MYLK3: variants seen among roughly 807,000 people sequenced by gnomAD.
MYLK3 encodes the protein myosin light chain kinase 3.
Under a neutral mutation model 76.3 loss-of-function variants are expected in MYLK3, and 55 were observed. The ratio of observed to expected loss-of-function variants is 0.72; its 90% CI spans 0.58 to 0.90. The LOEUF (loss-of-function observed/expected upper bound fraction) is 0.90, where lower values mean the gene tolerates loss of function less well. Ranked by LOEUF, MYLK3 falls within the 40% of genes least tolerant of loss-of-function variation. The pLI, the probability that MYLK3 is intolerant of heterozygous loss-of-function variation, is 0.00. For synonymous variants in MYLK3, 416 were observed against 425.4 expected (o/e 0.98, Z 0.27); for missense variants, 973 against 1,053.6 (o/e 0.92, Z 1.06).
At chr16:46,749,137 A>G (rs1967082878), upstream of MYLK3, among the ~76,000 whole-genome samples, 1 of 152,228 alleles carries the variant, frequency 6.6e-6, no homozygotes, top group African/African-American at 2.4e-5. Context: ...TGGTTCAAAT[A>G]AAACGTTTTA....
intron 1 of MYLK3, among the ~76,000 whole-genome samples, chr16:46,762,461 C>T (rs1020118969): frequency 1.3e-5 from 2 of 152,234 alleles, no homozygotes; most frequent in South Asian, 2.1e-4. Context: ...ACCAAGAACA[C>T]GGAGCAATAG....
In MYLK3 at chr16:46,740,115, T is replaced by C. The variant is rs1465484369; in HGVS notation, c.510A>G (p.Lys170=). The part of the protein sequence containing the change: ...NKERVEEEGG[K]PKHVLSTSGV... The stretch of plus-strand genomic sequence containing the variant: ...CACTGGTGCTCAGCACATGCTTTGG[T>C]TTTCCTCCCTCTTCTTCCACTCGCT... Residue 170 remains lysine, a synonymous_variant, in exon 2 of 13, where the codon AAA becomes AAG. Transcript: ENST00000394809. 4 of 1,613,752 alleles carry C rather than the reference T, an allele frequency of 2.5e-6. No homozygotes were observed. The highest frequency in any genetic ancestry group is 1.1e-5 in the South Asian group (1 of 91,024).
In MYLK3 at chr16:46,703,663, C is replaced by T. The variant is rs1172512503; in HGVS notation, c.*4041G>A. 1 of 153,100 alleles carries T rather than the reference C, an allele frequency of 6.5e-6. No homozygotes were observed. Among genetic ancestry groups the T allele is most frequent in the Non-Finnish European group, 1.5e-5 (1 of 68,024 alleles). 9.5% of individuals were successfully genotyped at this position (153,100 alleles called of 1,614,324 possible). A position where few individuals can be genotyped will look rare whatever the true frequency, so the allele number is the denominator to read the frequency against. ...GAAAAACTCAAGCTTCATAAAACCT[C>T]AAATTTCAAAAAAAGGATGCTAAAA... On this transcript the variant is annotated 3_prime_UTR_variant, in exon 13 of 13. Transcript: ENST00000394809.
intron 9 of MYLK3, 39 bp from the exon 10 acceptor site, chr16:46,712,815 G>A (rs1360230503): frequency 1.3e-6 from 2 of 1,511,376 alleles, no homozygotes; most frequent in East Asian, 2.5e-5. Context: ...CATGGGGTGA[G>A]GCCTGGGAGA....
chr16:46,748,432 A>T (rs901489101), upstream of MYLK3: 4 of 641,980 alleles, frequency 6.2e-6, no homozygotes, highest in Non-Finnish European at 9.8e-6. The surrounding 1 kb of genome is among the most constrained non-coding windows in gnomAD (Gnocchi z 4.3). Flanking sequence ...GGCCGAGGTC[A>T]GCCCAGGCCC....
chr16:46,752,077 A>G (rs891274122), upstream of MYLK3, among the ~76,000 whole-genome samples: 26 of 152,230 alleles, frequency 1.7e-4, no homozygotes, highest in African/African-American at 6.0e-4. Context: ...GGGTAAGGAC[A>G]GGGCAGCGGA....
rs1966598711 is a variant in MYLK3, at chr16:46,703,732, C to T, written c.*3972G>A. The stretch of plus-strand genomic sequence containing the variant: ...GTTGGCCTGGCCTAAACAGACCCCT[C>T]AAAGGAACTTTGGAGGGAAATTGTT... On this transcript the variant is annotated 3_prime_UTR_variant, in exon 13 of 13. Coordinates refer to ENST00000394809, the MANE Select transcript of MYLK3 (RefSeq NM_182493.3). 6.5e-6 allele frequency: 1 copy of T among 153,698 alleles called. No homozygotes were observed. The highest frequency in any genetic ancestry group is 1.9e-4 in the East Asian group (1 of 5,196). The allele number at this position is 153,698 out of a possible 1,614,324, so 9.5% of individuals were successfully genotyped here.
chr16:46,735,813 T>C (rs1220434018), intron 3 of MYLK3, among the ~76,000 whole-genome samples: 1 of 152,132 alleles, frequency 6.6e-6, no homozygotes, highest in Non-Finnish European at 1.5e-5. Context: ...AGGCCAGCAG[T>C]CATGACTTCC....
chr16:46,761,873 C>T (rs1967279647), intron 1 of MYLK3, among the ~76,000 whole-genome samples: 1 of 149,396 alleles, frequency 6.7e-6, no homozygotes, highest in Non-Finnish European at 1.5e-5. Flanking sequence ...GTGTATTGCA[C>T]TGCATGTAAG....
At chr16:46,741,448 A>C (rs1400735138) in intron 1 of MYLK3, among the ~76,000 whole-genome samples, 1 of 152,232 alleles carries the variant, frequency 6.6e-6, no homozygotes, top group Non-Finnish European at 1.5e-5. Context: ...TCCACACTCA[A>C]GCAAATATTT....
At chr16:46,742,517 C>A (rs1389278572) in intron 1 of MYLK3, among the ~76,000 whole-genome samples, 1 of 150,504 alleles carries the variant, frequency 6.6e-6, no homozygotes. Context: ...GATCTGGCAA[C>A]TCTAGGCCAA....
chr16:46,723,219 T>C (rs1567283868), intron 8 of MYLK3, among the ~76,000 whole-genome samples: 5 of 152,216 alleles, frequency 3.3e-5, no homozygotes. Context: ...ACATTTCATA[T>C]AAATGGAATC....
At chr16:46,741,143 T>A (rs767269797) in intron 1 of MYLK3, among the ~76,000 whole-genome samples, 2 of 152,200 alleles carry the variant, frequency 1.3e-5, no homozygotes, top group Non-Finnish European at 2.9e-5. Flanking sequence ...TCCTCATCTG[T>A]AAAATGGGGA....
upstream of MYLK3, among the ~76,000 whole-genome samples, chr16:46,752,543 A>T (rs1176263728): frequency 6.6e-6 from 1 of 152,178 alleles, no homozygotes; most frequent in Non-Finnish European, 1.5e-5. Context: ...TAAAAAAAAA[A>T]CTTTTTTGTA....
At chr16:46,732,911 C>T (rs1438837213) in intron 3 of MYLK3, among the ~76,000 whole-genome samples, 1 of 152,212 alleles carries the variant, frequency 6.6e-6, no homozygotes, top group Admixed American at 6.5e-5. Context: ...CCCCTGAGAA[C>T]CTGCTTCTGT....
intron 1 of MYLK3, among the ~76,000 whole-genome samples, chr16:46,742,670 G>A (rs527635106): frequency 1.3e-5 from 2 of 152,064 alleles, no homozygotes; most frequent in South Asian, 2.1e-4. Context: ...ATTATTTTGC[G>A]ATTCCAGGAC....
intron 1 of MYLK3, among the ~76,000 whole-genome samples, chr16:46,744,626 G>A (rs898726729): frequency 1.3e-4 from 20 of 152,178 alleles, no homozygotes; most frequent in African/African-American, 4.8e-4. Flanking sequence ...ACAGGCTTGA[G>A]CCACCTCGCC....
intron 8 of MYLK3, 135 bp downstream of exon 8, chr16:46,727,101 G>T: frequency 1.0e-6 from 1 of 966,942 alleles, no homozygotes; most frequent in Non-Finnish European, 1.5e-6. Context: ...GCCTGTCCCA[G>T]ACTCCAGAAC....
intron 8 of MYLK3, 108 bp from the exon 9 acceptor site, chr16:46,721,301 C>G (rs194055): frequency 0.99 from 963,580 of 969,236 alleles, 479,149 homozygotes; most frequent in East Asian, 1. Context: ...ACATGAATGG[C>G]TCAGGGCAGC....
Sources: gnomAD v4.1 joint callset for allele counts (sites outside exome capture counted in the v4.1 genomes callset) on GRCh38, gnomAD v4.1.1 for gene constraint, Gnocchi (gnomAD v3.1) non-coding constraint, MANE v1.5 for transcripts, NCBI Gene and HGNC (gene_info 2026-07-23, HGNC 2026-07-21) for gene names.